The following NRXN3 variants were observed in gnomAD, a reference collection of about 807,000 sequenced individuals.
The protein encoded by NRXN3 is neurexin 3.
In NRXN3, 32 loss-of-function variants were observed where a neutral mutation model predicts 137.6. The observed-to-expected ratio is 0.23, with a 90% CI of 0.18 to 0.31. The LOEUF (loss-of-function observed/expected upper bound fraction) is 0.31, where lower values mean the gene tolerates loss of function less well. Among genes scored for constraint, NRXN3 ranks in the 10% least tolerant of loss-of-function variants. NRXN3 has a pLI of 1.00. For synonymous variants in NRXN3, 798 were observed against 784.5 expected (o/e 1.02, Z -0.29); for missense variants, 1,574 against 2,062.5 (o/e 0.76, Z 4.59).
intron 15 of NRXN3, among the ~76,000 whole-genome samples, chr14:79,017,594 C>G (rs2099581415): frequency 6.6e-6 from 1 of 152,108 alleles, no homozygotes; most frequent in African/African-American, 2.4e-5. Context: ...TAAGGTCAAT[C>G]ACAATACTCC....
chr14:79,805,070 C>G (rs772230112), intron 19 of NRXN3, 42 bp from the exon 20 acceptor site: 7 of 1,391,956 alleles, frequency 5.0e-6, no homozygotes, highest in Non-Finnish European at 7.1e-6. Flanking sequence ...TCTCTCTTCT[C>G]TCTCTTCCCC....
chr14:78,227,500 G>C (rs1217737498), intron 1 of NRXN3, among the ~76,000 whole-genome samples: 1 of 152,196 alleles, frequency 6.6e-6, no homozygotes, highest in East Asian at 1.9e-4. Flanking sequence ...TACATATGAT[G>C]GTTTCTGTGC....
At chr14:78,424,842 G>A (rs374327297) in intron 4 of NRXN3, among the ~76,000 whole-genome samples, 3 of 152,208 alleles carry the variant, frequency 2.0e-5, no homozygotes, top group African/African-American at 7.2e-5. Context: ...GAGGCACAGA[G>A]AAATAAAGTA....
At chr14:79,633,790 C>T (rs988582372) in intron 16 of NRXN3, among the ~76,000 whole-genome samples, 4 of 152,158 alleles carry the variant, frequency 2.6e-5, no homozygotes, top group Non-Finnish European at 5.9e-5. Flanking sequence ...TTCTTCTTGC[C>T]TCCTGGAAAG....
chr14:79,171,382 A>G (rs2061766703), intron 15 of NRXN3, among the ~76,000 whole-genome samples: 1 of 152,156 alleles, frequency 6.6e-6, no homozygotes, highest in Admixed American at 6.6e-5. Flanking sequence ...GTACGTGTAT[A>G]CAGTAGTTGA....
chr14:79,652,430 T>C (rs137937310), intron 16 of NRXN3, among the ~76,000 whole-genome samples: 1 of 150,158 alleles, frequency 6.7e-6, no homozygotes, highest in East Asian at 1.9e-4. Flanking sequence ...TCTGACCGGC[T>C]TCCAGAGGGC....
chr14:79,800,627 G>C (rs1486553513), intron 19 of NRXN3, among the ~76,000 whole-genome samples: 1 of 152,194 alleles, frequency 6.6e-6, no homozygotes, highest in East Asian at 1.9e-4. Context: ...ATTCTATTCT[G>C]AGTCTGAGTC....
At chr14:78,346,858 A>G (rs927707088) in intron 4 of NRXN3, among the ~76,000 whole-genome samples, 5 of 152,152 alleles carry the variant, frequency 3.3e-5, no homozygotes, top group African/African-American at 1.2e-4. Flanking sequence ...AGCAGGTGGC[A>G]TGTGGGCAGA....
At chr14:78,373,632 G>C (rs1416119644) in intron 4 of NRXN3, among the ~76,000 whole-genome samples, 1 of 152,174 alleles carries the variant, frequency 6.6e-6, no homozygotes, top group African/African-American at 2.4e-5. Flanking sequence ...TCCTCAATGT[G>C]GTGATCCAAC....
At chr14:79,050,412 C>G (rs1470006789) in intron 15 of NRXN3, among the ~76,000 whole-genome samples, 1 of 152,106 alleles carries the variant, frequency 6.6e-6, no homozygotes, top group Non-Finnish European at 1.5e-5. Context: ...TAATGCAGCC[C>G]CATTTCTTTT....
intron 5 of NRXN3, among the ~76,000 whole-genome samples, chr14:78,650,691 A>C (rs553416862): frequency 1.4e-4 from 22 of 152,188 alleles, no homozygotes; most frequent in Non-Finnish European, 2.8e-4. Flanking sequence ...AAAAGAAAAA[A>C]GAAAAGAAAA....
At chr14:79,840,825 A>G (rs962068320) in intron 20 of NRXN3, among the ~76,000 whole-genome samples, 1 of 152,184 alleles carries the variant, frequency 6.6e-6, no homozygotes, top group Non-Finnish European at 1.5e-5. Context: ...TTAATTATGT[A>G]ATTATAATTT....
At chr14:79,037,745 G>A (rs867929308) in intron 15 of NRXN3, among the ~76,000 whole-genome samples, 3 of 127,304 alleles carry the variant, frequency 2.4e-5, no homozygotes, top group East Asian at 2.0e-4. Context: ...GCCAGTGGGC[G>A]TAAATTCAGT....
At chr14:79,832,905 ATATAT>A (rs1409077921) in intron 20 of NRXN3, among the ~76,000 whole-genome samples, 1 of 152,198 alleles carries the variant, frequency 6.6e-6, no homozygotes, top group East Asian at 1.9e-4. Flanking sequence ...TCAGATTAAA[ATATAT>A]TAAATATATC....
intron 15 of NRXN3, among the ~76,000 whole-genome samples, chr14:79,381,140 A>C (rs1437678372): frequency 6.6e-6 from 1 of 152,000 alleles, no homozygotes; most frequent in African/African-American, 2.4e-5. Flanking sequence ...AATGTTTCTT[A>C]ATGAGATCAG....
intron 15 of NRXN3, 116 bp downstream of exon 15, chr14:78,988,257 T>C (rs1016598743): frequency 7.7e-7 from 1 of 1,304,136 alleles, no homozygotes; most frequent in Non-Finnish European, 1.1e-6. Context: ...AGTAATTCTC[T>C]CCTCCAGAAA....
chr14:78,652,127 A>G (rs2152632472), intron 6 of NRXN3, among the ~76,000 whole-genome samples: 1 of 152,366 alleles, frequency 6.6e-6, no homozygotes, highest in Non-Finnish European at 1.5e-5. Context: ...TGTCTAAAAT[A>G]TAACATATGT....
chr14:79,463,004 T>C (rs938792618), intron 15 of NRXN3, among the ~76,000 whole-genome samples: 2 of 151,678 alleles, frequency 1.3e-5, no homozygotes, highest in Non-Finnish European at 2.9e-5. Context: ...AAAAGTAATA[T>C]GCTATTTGGC....
chr14:79,084,797 C>T, intron 15 of NRXN3, among the ~76,000 whole-genome samples: 1 of 152,132 alleles, frequency 6.6e-6, no homozygotes, highest in East Asian at 1.9e-4. Context: ...ACACCAGTTG[C>T]TTCAGTGAGT....
Sources: allele counts gnomAD v4.1 joint callset (sites outside exome capture counted in the v4.1 genomes callset), GRCh38; gene constraint gnomAD v4.1.1; transcripts MANE v1.5; gene names NCBI Gene and HGNC (gene_info 2026-07-23, HGNC 2026-07-21).